The following MFSD11 variants were observed in gnomAD, a reference collection of about 807,000 sequenced individuals.
MFSD11 encodes UNC93-like protein MFSD11.
In MFSD11, 36 loss-of-function variants were observed where a neutral mutation model predicts 53.5. The ratio of observed to expected loss-of-function variants is 0.67; its 90% CI spans 0.52 to 0.89. The LOEUF (loss-of-function observed/expected upper bound fraction) is 0.89, where lower values mean the gene tolerates loss of function less well. Among genes scored for constraint, MFSD11 ranks in the 40% least tolerant of loss-of-function variants. The pLI, the probability that MFSD11 is intolerant of heterozygous loss-of-function variation, is 0.00. For synonymous variants in MFSD11, 186 were observed against 184.9 expected (o/e 1.01, Z -0.05); for missense variants, 530 against 543.9 (o/e 0.97, Z 0.25).
intron 10 of MFSD11, among the ~76,000 whole-genome samples, chr17:76,774,328 A>T (rs1007829462): frequency 2.0e-5 from 3 of 152,086 alleles, no homozygotes; most frequent in African/African-American, 7.2e-5. Flanking sequence ...GCCTCAAGCA[A>T]TTCTCCCACC....
chr17:76,777,267 CA>C (rs1055404399), intron 12 of MFSD11, among the ~76,000 whole-genome samples: 4,220 of 57,988 alleles, frequency 0.073, 128 homozygotes, highest in African/African-American at 0.21. Flanking sequence ...GACTCCGTCT[CA>C]AAAAAAAAAA....
intron 3 of MFSD11, 31 bp downstream of exon 3, chr17:76,741,095 C>A: frequency 8.1e-7 from 1 of 1,236,956 alleles, no homozygotes; most frequent in Non-Finnish European, 1.2e-6. Context: ...CTTATTTAAT[C>A]AGAACACTTG....
intron 8 of MFSD11, among the ~76,000 whole-genome samples, chr17:76,758,410 C>G (rs1400479651): frequency 6.6e-6 from 1 of 151,914 alleles, no homozygotes; most frequent in Non-Finnish European, 1.5e-5. Flanking sequence ...TGATGCACCT[C>G]TCTCTCTACA....
intron 8 of MFSD11, among the ~76,000 whole-genome samples, chr17:76,755,575 A>G (rs960751052): frequency 6.6e-6 from 1 of 151,856 alleles, no homozygotes; most frequent in Non-Finnish European, 1.5e-5. Flanking sequence ...CAGATGACAC[A>G]AAGCTTGTTA....
the MFSD11 span, among the ~76,000 whole-genome samples, chr17:76,797,592 G>A: frequency 6.6e-6 from 1 of 151,998 alleles, no homozygotes; most frequent in Non-Finnish European, 1.5e-5. Flanking sequence ...GGGTCTTTAT[G>A]ACCTGTATCT....
At position 76,757,053 on chromosome 17, in the gene MFSD11, C is replaced by T. The variant is rs75385824; in HGVS notation, c.682+2966C>T. Among the ~76,000 whole-genome samples, 125 of 152,146 alleles carry T rather than the reference C, an allele frequency of 8.2e-4. No homozygotes were observed. The South Asian group carries it at 0.013, about 16-fold the overall frequency. ...GCCACATTGGCTTACTTGGTGAGAT[C>T]GGAGTCGTTAAAGGGAGGTAGATGA... On this transcript the variant is annotated intron_variant, in intron 8 of 12. Coordinates refer to ENST00000685175, the MANE Select transcript of MFSD11 (RefSeq NM_001242532.5).
At position 76,741,045 on chromosome 17, in the gene MFSD11, G is replaced by A. The variant is rs1389096042; in HGVS notation, c.241G>A (p.Ala81Thr). Residue 81 changes from alanine to threonine, a missense_variant, in exon 3 of 13, where the codon GCC (alanine) becomes ACC (threonine). Transcript: ENST00000685175. ...AIVGPQLSMFASGLFYSMYIA... is the reference protein window; with the variant it reads ...AIVGPQLSMFTSGLFYSMYIA... ...TGTAGGACCTCAACTCTCTATGTTT[G>A]CCAGTGGTTTATTTTACAGGTAAGT... 6 of 1,606,904 alleles carry A rather than the reference G, an allele frequency of 3.7e-6. No individual in the cohort carries two copies. The African/African-American group carries it at 4.0e-5, about 11-fold the overall frequency.
chr17:76,742,186 CA>C lies in MFSD11; in HGVS notation c.351del (p.Ala118HisfsTer6). 1 of 1,614,098 alleles carries C rather than the reference CA, an allele frequency of 6.2e-7. No homozygotes were observed. Among genetic ancestry groups the C allele is most frequent in the East Asian group, 2.2e-5 (1 of 44,866 alleles). On this transcript the variant is annotated frameshift_variant, in exon 5 of 13. Coordinates refer to ENST00000685175, the MANE Select transcript of MFSD11 (RefSeq NM_001242532.5). LOFTEE classifies it high-confidence loss of function. ...FIGIAAAVLW[T>X]AQGNCLTINS... ...TTGGGTTGAATTTTAGTGCTTTGGACAGCACAAGGAAACTGCCTGACAATCA... is the reference window on the plus strand; with the variant it reads ...TTGGGTTGAATTTTAGTGCTTTGGACGCACAAGGAAACTGCCTGACAATCA...
rs1276424472 is a variant in MFSD11 at position 76,776,167 on chromosome 17, T to C, written c.1050-239T>C. ...CTAATTTTTATATTTTTAGTAGAGA[T>C]GGGGTTTTGCCATGTTGGCCAGGCT... On this transcript the variant is annotated intron_variant, in intron 11 of 12. Transcript: ENST00000685175. This position sits in a 1 kb window ranked among gnomAD's most constrained non-coding sequence, Gnocchi z 4.2. Among the ~76,000 whole-genome samples the C allele has an allele frequency of 2.0e-5, 3 of 152,036 alleles. No homozygotes were observed. Among genetic ancestry groups the C allele is most frequent in the African/African-American group, 4.8e-5 (2 of 41,396 alleles).
chr17:76,775,190 C>A lies in MFSD11; in HGVS notation c.1049+19C>A. 4 of 1,611,214 alleles carry A rather than the reference C, an allele frequency of 2.5e-6. No homozygotes were observed. Among genetic ancestry groups the A allele is most frequent in the Non-Finnish European group, 3.4e-6 (4 of 1,178,764 alleles). On this transcript the variant is annotated intron_variant, in intron 11 of 12. Transcript: ENST00000685175. ...AATCCAGGTATAGTGGCTGTCATTT[C>A]TCTAGTCGCTTGAGTACGGGTGGGA...
rs1328432928 is a variant in MFSD11 at position 76,744,486 on chromosome 17, C to G, written c.641+20C>G. The G allele has an allele frequency of 1.3e-6, 2 of 1,599,592 alleles. No individual in the cohort carries two copies. Among genetic ancestry groups the G allele is most frequent in the East Asian group, 4.5e-5 (2 of 44,780 alleles). ...CAACGAGTAAGATGTTGGAAACATT[C>G]TATTTTATTTTAAAATAGATTTTGA... is the stretch of plus-strand genomic sequence containing the variant. On this transcript the variant is annotated intron_variant, in intron 7 of 12. Transcript: ENST00000685175.
chr17:76,772,163 A>G (rs988007689), intron 10 of MFSD11, among the ~76,000 whole-genome samples: 21 of 152,122 alleles, frequency 1.4e-4, no homozygotes, highest in African/African-American at 4.8e-4. Flanking sequence ...GCTCACGCCT[A>G]TAATTCTAGC....
the MFSD11 span, among the ~76,000 whole-genome samples, chr17:76,795,988 T>C: frequency 3.4e-4 from 51 of 152,178 alleles, no homozygotes; most frequent in African/African-American, 1.1e-3. Flanking sequence ...CTTCTTTGCC[T>C]GACACTGAAC....
the MFSD11 span, among the ~76,000 whole-genome samples, chr17:76,793,574 G>A: frequency 7.3e-5 from 11 of 151,318 alleles, 1 homozygote; most frequent in South Asian, 4.2e-4. Context: ...GTCCTGAGGC[G>A]ACATACATCC....
rs754276531 is a variant in MFSD11 at position 76,775,112 on chromosome 17, T to A, written c.990T>A (p.Pro330=). 1.2e-6 allele frequency: 2 copies of A among 1,613,960 alleles called. No homozygotes were observed. Among genetic ancestry groups the A allele is most frequent in the African/African-American group, 1.3e-5 (1 of 74,920 alleles). ...IAFYLIFLNM[P]GDAPIAPVKG... Reference sequence around the variant, plus strand: ...TTTATCTAATATTTCTCAACATGCCTGGAGATGCCCCGATTGCTCCTGTTA... The same window carrying A: ...TTTATCTAATATTTCTCAACATGCCAGGAGATGCCCCGATTGCTCCTGTTA... Residue 330 remains proline, a synonymous_variant, in exon 11 of 13, where the codon CCT becomes CCA. Coordinates refer to ENST00000685175, the MANE Select transcript of MFSD11 (RefSeq NM_001242532.5).
chr17:76,754,639 G>GCCCC (rs2144479262), intron 8 of MFSD11, among the ~76,000 whole-genome samples: 1 of 138,038 alleles, frequency 7.2e-6, no homozygotes, highest in African/African-American at 2.7e-5. Flanking sequence ...AGCCGAGATT[G>GCCCC]CCCCACTGCA....
Position 76,775,056 on chromosome 17 carries a change from C to G in MFSD11, c.934C>G (p.Leu312Val), listed in dbSNP as rs769774927. Residue 312 changes from leucine (L) to valine (V), a missense_variant, in exon 11 of 13, where the codon CTG becomes GTG. By Grantham distance (32) the Leu-to-Val change is conservative (BLOSUM62 1). Coordinates refer to ENST00000685175, the MANE Select transcript of MFSD11 (RefSeq NM_001242532.5). ...NNRFGRNPVVLLGILVHFIAF... is the reference protein window; with the variant it reads ...NNRFGRNPVVVLGILVHFIAF... Reference sequence around the variant, plus strand: ...TCGTTTTGGTAGAAATCCAGTTGTGCTGTTGGGCATCCTGGTGCACTTCAT... The same window carrying G: ...TCGTTTTGGTAGAAATCCAGTTGTGGTGTTGGGCATCCTGGTGCACTTCAT... 6.2e-7 allele frequency: 1 copy of G among 1,613,956 alleles called. No individual in the cohort carries two copies. The highest frequency in any genetic ancestry group is 2.2e-5 in the East Asian group (1 of 44,892).
chr17:76,791,245 T>G, the MFSD11 span, among the ~76,000 whole-genome samples: 5 of 149,026 alleles, frequency 3.4e-5, 1 homozygote, highest in African/African-American at 7.5e-5. Flanking sequence ...ACAAGCAGAT[T>G]GCAGCTTTAG....
At chr17:76,797,269 G>C in the MFSD11 span, among the ~76,000 whole-genome samples, 1 of 152,128 alleles carries the variant, frequency 6.6e-6, no homozygotes, top group South Asian at 2.1e-4. Context: ...TTATTTTAAG[G>C]TTGTTTTTTG....
Sources: allele counts gnomAD v4.1 joint callset (sites outside exome capture counted in the v4.1 genomes callset), GRCh38; gene constraint gnomAD v4.1.1; non-coding constraint Gnocchi (gnomAD v3.1); transcripts MANE v1.5; gene names NCBI Gene and HGNC (gene_info 2026-07-23, HGNC 2026-07-21).